Variants in COG5 observed in about 807,000 individuals in gnomAD.
The protein encoded by COG5 is conserved oligomeric Golgi complex subunit 5.
COG5 carries 86 observed loss-of-function variants against 110.4 expected under a neutral mutation model. The ratio of observed to expected loss-of-function variants is 0.78; its 90% CI spans 0.65 to 0.93. COG5 has a LOEUF of 0.93. Ranked by LOEUF, COG5 falls within the 40% of genes least tolerant of loss-of-function variation. The pLI, the probability that COG5 is intolerant of heterozygous loss-of-function variation, is 0.00. For synonymous variants in COG5, 360 were observed against 334.6 expected (o/e 1.08, Z -0.83); for missense variants, 1,077 against 987.0 (o/e 1.09, Z -1.22).
chr7:107,459,612 C>T (rs951387535), intron 6 of COG5, among the ~76,000 whole-genome samples: 6 of 151,690 alleles, frequency 4.0e-5, no homozygotes, highest in Non-Finnish European at 7.4e-5. Flanking sequence ...CCTGGGCAAC[C>T]TAAGGAGACC....
intron 6 of COG5, among the ~76,000 whole-genome samples, chr7:107,476,263 T>C (rs1796988819): frequency 6.9e-6 from 1 of 144,766 alleles, no homozygotes; most frequent in Non-Finnish European, 1.5e-5. Flanking sequence ...AGCTCTTTTG[T>C]ATAATAGAAA....
chr7:107,546,011 A>G (rs1189329172), intron 5 of COG5, among the ~76,000 whole-genome samples: 2 of 152,146 alleles, frequency 1.3e-5, no homozygotes, highest in Admixed American at 6.6e-5. Context: ...GACTGAGATC[A>G]TATCAAATAT....
intron 6 of COG5, among the ~76,000 whole-genome samples, chr7:107,455,605 T>C (rs1795614344): frequency 6.6e-6 from 1 of 152,162 alleles, no homozygotes; most frequent in African/African-American, 2.4e-5. Context: ...ATCTGGCCTT[T>C]TGTAGAAAAA....
rs376735208 is a variant in COG5 at position 107,330,702 on chromosome 7, G to A, written c.1027-6181C>T. On this transcript the variant is annotated intron_variant, in intron 10 of 21. Transcript: ENST00000297135. ...AAATCCAAGGTCTACCACTTGTGCT[G>A]TGACTCTAGAAAGGTGACTTCATCT... 5.3e-5 allele frequency among the ~76,000 whole-genome samples: 8 copies of A among 152,176 alleles called. No homozygotes were observed. The South Asian group carries it at 1.2e-3, about 24-fold the overall frequency.
At chr7:107,440,128 G>T (rs1461841490) in intron 6 of COG5, among the ~76,000 whole-genome samples, 1 of 152,140 alleles carries the variant, frequency 6.6e-6, no homozygotes, top group East Asian at 1.9e-4. Context: ...TCAGTAAAGG[G>T]TACTGTGTAA....
intron 6 of COG5, among the ~76,000 whole-genome samples, chr7:107,481,862 C>T (rs971938217): frequency 1.3e-5 from 2 of 152,086 alleles, no homozygotes; most frequent in Admixed American, 6.6e-5. Context: ...AATGTACTTT[C>T]GCACTACTTT....
chr7:107,473,240 T>A (rs1376236482), intron 6 of COG5, among the ~76,000 whole-genome samples: 3 of 151,932 alleles, frequency 2.0e-5, no homozygotes, highest in Non-Finnish European at 4.4e-5. Flanking sequence ...TGATATTAAA[T>A]TTCAATTTTC....
At chr7:107,538,042 CA>C (rs1801717939) in intron 5 of COG5, among the ~76,000 whole-genome samples, 1 of 152,114 alleles carries the variant, frequency 6.6e-6, no homozygotes. Context: ...GAGCTACAGA[CA>C]TAGATAAGCA....
intron 6 of COG5, among the ~76,000 whole-genome samples, chr7:107,518,358 G>C (rs1291871493): frequency 1.3e-5 from 2 of 152,080 alleles, no homozygotes; most frequent in South Asian, 4.1e-4. Context: ...AAAAGGTACA[G>C]ACTGGCAAAT....
chr7:107,537,148 T>C (rs117884147), intron 5 of COG5, among the ~76,000 whole-genome samples: 19,132 of 152,140 alleles, frequency 0.13, 1,504 homozygotes, highest in Non-Finnish European at 0.17. Context: ...AGTTCAGCCA[T>C]TGTGAGGCTA....
chr7:107,308,251 T>G (rs1289866696), intron 11 of COG5, among the ~76,000 whole-genome samples: 2 of 152,210 alleles, frequency 1.3e-5, no homozygotes, highest in Non-Finnish European at 2.9e-5. Flanking sequence ...TGACTGCATC[T>G]TGAAATAACT....
In COG5 at chr7:107,236,738, CTT is replaced by C. The variant is rs1801222979; in HGVS notation, c.1854-53_1854-52del. On this transcript the variant is annotated intron_variant, in intron 17 of 21. Coordinates refer to ENST00000297135, the MANE Select transcript of COG5 (RefSeq NM_006348.5). ...CAGCACCGCTGCACTAAATCACACT[CTT>C]TGATTTTGTACCCCTCTCCCCACCA... The C allele has an allele frequency of 3.3e-6, 4 of 1,205,772 alleles. No homozygotes were observed. In the East Asian group the frequency reaches 7.0e-5, roughly 21 times the overall value. The allele number at this position is 1,205,772 out of a possible 1,614,324, so 74.7% of individuals were successfully genotyped here.
intron 19 of COG5, among the ~76,000 whole-genome samples, chr7:107,229,041 T>C (rs146689006): frequency 9.2e-5 from 14 of 152,222 alleles, no homozygotes; most frequent in Admixed American, 9.2e-4. Flanking sequence ...CTTCAACCAT[T>C]ATGCACTTGG....
At chr7:107,447,607 A>C (rs1357648601) in intron 6 of COG5, among the ~76,000 whole-genome samples, 1 of 152,196 alleles carries the variant, frequency 6.6e-6, no homozygotes, top group East Asian at 1.9e-4. Context: ...ATTATATTAG[A>C]GGCTATAGGC....
chr7:107,341,568 T>C (rs1349827506), intron 10 of COG5, among the ~76,000 whole-genome samples: 1 of 151,984 alleles, frequency 6.6e-6, no homozygotes, highest in Non-Finnish European at 1.5e-5. Flanking sequence ...CCTGAATAGT[T>C]AAAGCATCCT....
chr7:107,267,964 A>G (rs1361975724), intron 14 of COG5, among the ~76,000 whole-genome samples: 1 of 152,072 alleles, frequency 6.6e-6, no homozygotes, highest in East Asian at 1.9e-4. Context: ...TCGTAGTAAG[A>G]AATTCTTTTT....
At chr7:107,255,052 T>C (rs1290141837) in intron 16 of COG5, among the ~76,000 whole-genome samples, 1 of 152,206 alleles carries the variant, frequency 6.6e-6, no homozygotes, top group Non-Finnish European at 1.5e-5. Flanking sequence ...AGGTATATAT[T>C]TATAAATGCT....
At position 107,497,554 on chromosome 7, in the gene COG5, A is replaced by G. The variant is rs551507141; in HGVS notation, c.538+29683T>C. Among the ~76,000 whole-genome samples the G allele has an allele frequency of 1.2e-4, 19 of 152,336 alleles. 1 individual carries two copies. Among genetic ancestry groups the G allele is most frequent in the South Asian group, 1.0e-3 (5 of 4,828 alleles). On this transcript the variant is annotated intron_variant, in intron 6 of 21. Coordinates refer to ENST00000297135, the MANE Select transcript of COG5 (RefSeq NM_006348.5). ...AACAATCTCATTTACAATTGCATCC[A>G]AAGAATAAAATACTAGGAACAGACT...
At chr7:107,392,175 G>A (rs987079944) in intron 7 of COG5, among the ~76,000 whole-genome samples, 1 of 152,100 alleles carries the variant, frequency 6.6e-6, no homozygotes, top group African/African-American at 2.4e-5. Context: ...TAATGCCCAG[G>A]TGTTCCTTGC....
Sources: gnomAD v4.1 joint callset for allele counts (sites outside exome capture counted in the v4.1 genomes callset) on GRCh38, gnomAD v4.1.1 for gene constraint, MANE v1.5 for transcripts, NCBI Gene and HGNC (gene_info 2026-07-23, HGNC 2026-07-21) for gene names.